The following FAAH2 variants were observed in gnomAD, a reference collection of about 807,000 sequenced individuals.
The protein encoded by FAAH2 is fatty acid amide hydrolase 2.
In FAAH2, 60 loss-of-function variants were observed where a neutral mutation model predicts 36.9. That is an observed-to-expected ratio of 1.63 (90% confidence interval 1.32 to 2.02). The LOEUF is 2.02. Ranked by LOEUF, FAAH2 falls within the 30% of genes most tolerant of loss-of-function variation. The probability of loss-of-function intolerance (pLI) is 0.00; values close to 1 mark genes in which losing one functional copy is unlikely to be tolerated. For missense variants in FAAH2, 689 were observed against 397.5 expected (o/e 1.73, Z -6.23); for synonymous variants, 214 against 143.8 (o/e 1.49, Z -3.49).
At chrX:57,478,067 G>A (rs2057305254) in intron 10 of FAAH2, among the ~76,000 whole-genome samples, 1 of 112,051 alleles carries the variant, frequency 8.9e-6, no homozygotes, top group Admixed American at 9.5e-5. Context: ...TCACCACACT[G>A]TCTTCCACAA....
chrX:57,258,499 G>A, the FAAH2 span, among the ~76,000 whole-genome samples: 16 of 110,542 alleles, frequency 1.4e-4, no homozygotes, highest in African/African-American at 5.3e-4. Context: ...TCAAGAAAAT[G>A]AAAAGCCATC....
At chrX:57,182,576 G>A in the FAAH2 span, among the ~76,000 whole-genome samples, 1 of 111,318 alleles carries the variant, frequency 9.0e-6, no homozygotes, top group Non-Finnish European at 1.9e-5. Context: ...GGAGAAAAAG[G>A]AATGATTTCC....
chrX:57,386,755 G>GT (rs1217377140), intron 7 of FAAH2, among the ~76,000 whole-genome samples: 2 of 111,911 alleles, frequency 1.8e-5, no homozygotes, highest in Non-Finnish European at 1.9e-5. Context: ...TCCTAAATGG[G>GT]TTTTTTCACT....
chrX:57,468,265 G>A (rs1366769514), intron 10 of FAAH2, among the ~76,000 whole-genome samples: 1 of 112,055 alleles, frequency 8.9e-6, no homozygotes, highest in Admixed American at 9.5e-5. Flanking sequence ...TTGACGAGTT[G>A]AGAGAAGAAG....
chrX:57,139,013 C>T, the FAAH2 span, among the ~76,000 whole-genome samples: 1 of 111,869 alleles, frequency 8.9e-6, no homozygotes. Context: ...CCTAGGTTGT[C>T]TCTTCATTTT....
At chrX:57,409,921 G>T (rs1163474060) in intron 7 of FAAH2, among the ~76,000 whole-genome samples, 2 of 109,363 alleles carry the variant, frequency 1.8e-5, no homozygotes, top group Non-Finnish European at 3.8e-5. Flanking sequence ...TGTTTACTTT[G>T]GGCTTATTTT....
At chrX:57,411,635 GT>G (rs2055703236) in intron 7 of FAAH2, among the ~76,000 whole-genome samples, 1 of 111,875 alleles carries the variant, frequency 8.9e-6, no homozygotes, top group Admixed American at 9.5e-5. Flanking sequence ...GATGTACTCT[GT>G]TTTGAGTGGG....
At chrX:57,476,787 T>C (rs950966837) in intron 10 of FAAH2, among the ~76,000 whole-genome samples, 3 of 111,265 alleles carry the variant, frequency 2.7e-5, no homozygotes, top group Non-Finnish European at 5.7e-5. Flanking sequence ...GTATATATGG[T>C]AGAATTTGAC....
chrX:57,286,532 A>G (rs1363853982), upstream of FAAH2, among the ~76,000 whole-genome samples: 2 of 111,439 alleles, frequency 1.8e-5, no homozygotes, highest in African/African-American at 6.5e-5. Flanking sequence ...CAGTAGCAGA[A>G]CTGGGGAATT....
Position 57,296,884 on chromosome X carries a change from C to T in FAAH2, c.275+4304C>T, listed in dbSNP as rs11796636. On this transcript the variant is annotated intron_variant, in intron 2 of 10. Transcript: ENST00000374900. ...GGAAGATCAAATGAATGAAATGAAG[C>T]GAGAAGAGAAGTTTAGAGAAAAAGG... 7.3e-3 allele frequency among the ~76,000 whole-genome samples: 806 copies of T among 110,415 alleles called. 5 individuals carry two copies. The highest frequency in any genetic ancestry group is 0.011 in the Non-Finnish European group (586 of 52,773).
the FAAH2 span, among the ~76,000 whole-genome samples, chrX:57,149,613 T>C: frequency 3.6e-5 from 4 of 111,666 alleles, no homozygotes; most frequent in South Asian, 3.8e-4. Flanking sequence ...ATCCCCTTTG[T>C]CATTTTTTAT....
chrX:57,482,554 C>T (rs2057398688), intron 10 of FAAH2, among the ~76,000 whole-genome samples: 1 of 110,079 alleles, frequency 9.1e-6, no homozygotes, highest in Non-Finnish European at 1.9e-5. Flanking sequence ...TCTGCTCACC[C>T]TCCTGTGGGT....
intron 7 of FAAH2, among the ~76,000 whole-genome samples, chrX:57,429,207 C>A (rs747802879): frequency 9.2e-6 from 1 of 109,030 alleles, no homozygotes; most frequent in Non-Finnish European, 1.9e-5. Flanking sequence ...GGCGTGGTGG[C>A]GGGTGCCTGT....
At chrX:57,348,936 A>G (rs1338808950) in intron 5 of FAAH2, among the ~76,000 whole-genome samples, 3 of 107,080 alleles carry the variant, frequency 2.8e-5, no homozygotes, top group Non-Finnish European at 3.8e-5. Context: ...GATTCAAACA[A>G]CAGAAAAAAA....
intron 10 of FAAH2, among the ~76,000 whole-genome samples, chrX:57,465,408 C>T (rs1204425933): frequency 9.0e-6 from 1 of 110,956 alleles, no homozygotes; most frequent in Non-Finnish European, 1.9e-5. Context: ...CAAAGATATC[C>T]ACCCTAAATA....
At chrX:57,410,744 G>T (rs1440618890) in intron 7 of FAAH2, among the ~76,000 whole-genome samples, 1 of 110,955 alleles carries the variant, frequency 9.0e-6, no homozygotes, top group Admixed American at 9.6e-5. Context: ...ATTGTATTCT[G>T]CACCTCTAGA....
At chrX:57,170,571 T>G in the FAAH2 span, among the ~76,000 whole-genome samples, 1 of 111,798 alleles carries the variant, frequency 8.9e-6, no homozygotes. Flanking sequence ...AAGTAGTTTT[T>G]AATTCCTTGA....
chrX:57,419,419 G>T (rs1331868125), intron 7 of FAAH2, among the ~76,000 whole-genome samples: 1 of 111,933 alleles, frequency 8.9e-6, no homozygotes, highest in Non-Finnish European at 1.9e-5. Context: ...TCTAAGTGGT[G>T]TGAGATGATA....
intron 5 of FAAH2, among the ~76,000 whole-genome samples, chrX:57,366,116 C>T (rs974949810): frequency 9.5e-6 from 1 of 105,005 alleles, no homozygotes; most frequent in Non-Finnish European, 2.0e-5. Flanking sequence ...TCTAATGTTG[C>T]CAGAGTTCTT....
Sources: allele counts gnomAD v4.1 joint callset (sites outside exome capture counted in the v4.1 genomes callset), GRCh38; gene constraint gnomAD v4.1.1; transcripts MANE v1.5; gene names NCBI Gene and HGNC (gene_info 2026-07-23, HGNC 2026-07-21).